The following RALGPS2 variants were observed in gnomAD, a reference collection of about 807,000 sequenced individuals.
The protein encoded by RALGPS2 is Ral GEF with PH domain and SH3 binding motif 2.
In RALGPS2, 43 loss-of-function variants were observed where a neutral mutation model predicts 86.8. That is an observed-to-expected ratio of 0.50 (90% CI 0.39 to 0.64). The LOEUF is 0.64. Ranked by LOEUF, RALGPS2 falls within the 30% of genes least tolerant of loss-of-function variation. The pLI, the probability that RALGPS2 is intolerant of heterozygous loss-of-function variation, is 0.00. For synonymous variants in RALGPS2, 243 were observed against 231.3 expected, an observed-to-expected ratio of 1.05 and a Z score of -0.46; for missense variants, 536 against 694.6, an observed-to-expected ratio of 0.77 and a Z score of 2.57.
intron 16 of RALGPS2, among the ~76,000 whole-genome samples, chr1:178,896,674 A>G: frequency 7.2e-6 from 1 of 138,290 alleles, no homozygotes; most frequent in East Asian, 2.1e-4. Flanking sequence ...ATGTGATCTC[A>G]TTGTTCAATT....
chr1:178,855,069 T>C (rs1300060453), intron 8 of RALGPS2, among the ~76,000 whole-genome samples: 2 of 152,110 alleles, frequency 1.3e-5, no homozygotes, highest in African/African-American at 4.8e-5. Flanking sequence ...TATGTGAGAG[T>C]TTAGTCAAGT....
At chr1:178,869,935 A>C (rs1658646537) in intron 8 of RALGPS2, among the ~76,000 whole-genome samples, 1 of 152,102 alleles carries the variant, frequency 6.6e-6, no homozygotes, top group Non-Finnish European at 1.5e-5. Context: ...AATTATTTCT[A>C]CCTAAAATAT....
intron 8 of RALGPS2, among the ~76,000 whole-genome samples, chr1:178,873,952 C>A (rs1182493352): frequency 6.6e-6 from 1 of 151,972 alleles, no homozygotes; most frequent in Non-Finnish European, 1.5e-5. Context: ...ACGATCTCGG[C>A]TCACTACAAG....
At chr1:178,737,570 A>G (rs969610799) in intron 1 of RALGPS2, among the ~76,000 whole-genome samples, 1 of 152,046 alleles carries the variant, frequency 6.6e-6, no homozygotes, top group African/African-American at 2.4e-5. Flanking sequence ...TCAGATGATC[A>G]ATCTCTTCTT....
intron 8 of RALGPS2, among the ~76,000 whole-genome samples, chr1:178,855,599 T>G (rs878861480): frequency 1.3e-5 from 2 of 151,944 alleles, no homozygotes; most frequent in Admixed American, 1.3e-4. Context: ...GGTATTGTAT[T>G]TTTTAGTTCT....
chr1:178,736,687 C>T (rs1405618992), intron 1 of RALGPS2, among the ~76,000 whole-genome samples: 6 of 151,954 alleles, frequency 3.9e-5, no homozygotes, highest in Non-Finnish European at 1.5e-5. Flanking sequence ...TGCTTGAGCC[C>T]AGGAGTTTAA....
At chr1:178,786,866 T>C (rs915642141) in intron 4 of RALGPS2, among the ~76,000 whole-genome samples, 13 of 152,008 alleles carry the variant, frequency 8.6e-5, no homozygotes, top group Non-Finnish European at 1.8e-4. Flanking sequence ...ATGTAGGTAG[T>C]ATTAGTCCTG....
Position 178,833,570 on chromosome 1 carries a change from G to A in RALGPS2, c.607+20G>A, listed in dbSNP as rs756719026. The A allele has an allele frequency of 6.6e-7, 1 of 1,519,388 alleles. No homozygotes were observed. The highest frequency in any genetic ancestry group is 8.7e-7 in the Non-Finnish European group (1 of 1,146,244). The allele number at this position is 1,519,388 out of a possible 1,614,324, so 94.1% of individuals were successfully genotyped here. A position where few individuals can be genotyped will look rare whatever the true frequency, so the allele number is the denominator to read the frequency against. On this transcript the variant is annotated intron_variant, in intron 8 of 19. Coordinates refer to ENST00000367635, the MANE Select transcript of RALGPS2 (RefSeq NM_152663.5). ...ATTTAGGTGAGTTATGTCACTGTGTGTTTTTTGTTTCTAGTTGTTACTCTT... is the reference window on the plus strand; with the variant it reads ...ATTTAGGTGAGTTATGTCACTGTGTATTTTTTGTTTCTAGTTGTTACTCTT...
chr1:178,726,412 A>C (rs1650005769), intron 1 of RALGPS2: 1 of 152,060 alleles, frequency 6.6e-6, no homozygotes, highest in African/African-American at 2.4e-5. Context: ...GTTTGGGAAG[A>C]AGCTGCGAGC....
intron 17 of RALGPS2, 129 bp downstream of exon 17, chr1:178,897,885 GT>G: frequency 4.8e-6 from 3 of 627,308 alleles, no homozygotes; most frequent in Non-Finnish European, 8.2e-6. Context: ...TAGTCCAAAA[GT>G]TTTTACATTT....
chr1:178,767,759 C>T (rs977455125), intron 1 of RALGPS2, among the ~76,000 whole-genome samples: 7 of 152,122 alleles, frequency 4.6e-5, no homozygotes, highest in African/African-American at 1.7e-4. Flanking sequence ...TCCAGGAAGA[C>T]GGGAGGCTGT....
intron 6 of RALGPS2, among the ~76,000 whole-genome samples, chr1:178,819,339 A>G (rs1572364502): frequency 6.6e-6 from 1 of 152,080 alleles, no homozygotes; most frequent in South Asian, 2.1e-4. Context: ...GCAAACCTCC[A>G]TAAGACCCCT....
chr1:178,883,533 G>A lies in RALGPS2; in HGVS notation c.904G>A (p.Gly302Ser). ...RSAASREDLVGPEVGASPQSG... is the reference protein window; with the variant it reads ...RSAASREDLVSPEVGASPQSG... ...TGCTGCTTCCAGAGAAGATTTAGTA[G>A]GTCAGTACGTAGTTTTCTCTTGTTA... Residue 302 changes from glycine to serine, a missense_variant and splice_region_variant, in exon 11 of 20, where the codon GGT (glycine) becomes AGT (serine). By Grantham distance (56) the Gly-to-Ser change is moderately conservative. Around this residue, in one of 3 missense-constraint regions of RALGPS2, gnomAD observed 309 missense variants for 363.0 expected, o/e 0.85. Coordinates refer to ENST00000367635, the MANE Select transcript of RALGPS2 (RefSeq NM_152663.5). 1 of 1,607,164 alleles carries A rather than the reference G, an allele frequency of 6.2e-7. No homozygotes were observed. The highest frequency in any genetic ancestry group is 8.5e-7 in the Non-Finnish European group (1 of 1,173,936).
At chr1:178,753,393 G>A (rs968523962) in intron 1 of RALGPS2, among the ~76,000 whole-genome samples, 4 of 152,038 alleles carry the variant, frequency 2.6e-5, no homozygotes, top group Admixed American at 2.6e-4. Flanking sequence ...AAGACCTGGG[G>A]GTTTGAAATG....
At chr1:178,882,650 G>A (rs185802968) in intron 10 of RALGPS2, among the ~76,000 whole-genome samples, 106 of 152,174 alleles carry the variant, frequency 7.0e-4, no homozygotes, top group African/African-American at 2.1e-3. Flanking sequence ...ATTAAGCTTC[G>A]TGTATTACAC....
intron 7 of RALGPS2, among the ~76,000 whole-genome samples, chr1:178,828,118 G>A (rs1655839773): frequency 6.6e-6 from 1 of 152,184 alleles, no homozygotes; most frequent in Non-Finnish European, 1.5e-5. Context: ...TACAAAATGG[G>A]ATTGCATCAA....
chr1:178,731,272 GTTTTTTTTTTTT>G (rs57628726), intron 1 of RALGPS2, among the ~76,000 whole-genome samples: 7 of 57,966 alleles, frequency 1.2e-4, no homozygotes, highest in African/African-American at 4.0e-4. Context: ...AGTTGTTTTG[GTTTTTTTTTTTT>G]TTTTTTTTTT....
intron 8 of RALGPS2, among the ~76,000 whole-genome samples, chr1:178,862,592 T>TA (rs1191720272): frequency 0.022 from 2,625 of 118,876 alleles, 60 homozygotes; most frequent in African/African-American, 0.075. Flanking sequence ...AGTTGCATTT[T>TA]TTTTATTTAT....
chr1:178,758,778 A>G (rs1652080145), intron 1 of RALGPS2, among the ~76,000 whole-genome samples: 1 of 152,066 alleles, frequency 6.6e-6, no homozygotes, highest in Non-Finnish European at 1.5e-5. Flanking sequence ...TATGTATAAT[A>G]TTTTCTTTAT....
Sources: gnomAD v4.1 joint callset for allele counts (sites outside exome capture counted in the v4.1 genomes callset) on GRCh38, gnomAD v4.1.1 for gene constraint, gnomAD v4.1.1 regional missense constraint, MANE v1.5 for transcripts, NCBI Gene and HGNC (gene_info 2026-07-23, HGNC 2026-07-21) for gene names.